CTNNA2: variants seen among roughly 807,000 people sequenced by gnomAD.
The protein encoded by CTNNA2 is catenin alpha-2.
CTNNA2 carries 42 observed loss-of-function variants against 101.0 expected under a neutral mutation model. That is an observed-to-expected ratio of 0.42 (90% CI 0.32 to 0.54). The LOEUF is 0.54. Ranked by LOEUF, CTNNA2 falls within the 20% of genes least tolerant of loss-of-function variation. The pLI is 0.14. For missense variants in CTNNA2, 871 were observed against 1,223.1 expected (o/e 0.71, Z 4.29); for synonymous variants, 450 against 456.4 (o/e 0.99, Z 0.18).
chr2:80,449,650 C>T (rs1401587488), intron 9 of CTNNA2, among the ~76,000 whole-genome samples: 1 of 152,166 alleles, frequency 6.6e-6, no homozygotes, highest in African/African-American at 2.4e-5. Context: ...CTTAGAACTC[C>T]ATACATTAGA....
chr2:79,265,476 C>A (rs533004838), intron 2 of CTNNA2, among the ~76,000 whole-genome samples: 1 of 152,182 alleles, frequency 6.6e-6, no homozygotes, highest in South Asian at 2.1e-4. Flanking sequence ...GACTCATCTT[C>A]AAAATGAGGA....
At chr2:80,098,986 C>G (rs147034009) in intron 7 of CTNNA2, among the ~76,000 whole-genome samples, 453 of 152,128 alleles carry the variant, frequency 3.0e-3, no homozygotes, top group Middle Eastern at 6.8e-3. Flanking sequence ...TGCTTCAGCT[C>G]ACGCACGGTG....
chr2:79,372,005 C>T (rs981721389), intron 3 of CTNNA2, among the ~76,000 whole-genome samples: 3 of 152,134 alleles, frequency 2.0e-5, no homozygotes, highest in Admixed American at 6.6e-5. Flanking sequence ...CTTCTGAAAA[C>T]TCTAAAACAG....
chr2:79,558,169 A>G (rs560813327), intron 1 of CTNNA2, among the ~76,000 whole-genome samples: 2 of 152,092 alleles, frequency 1.3e-5, no homozygotes, highest in African/African-American at 4.8e-5. Context: ...GGCTAATAAA[A>G]GCTTAGTTTA....
At chr2:79,613,907 G>C (rs942447192) in intron 1 of CTNNA2, among the ~76,000 whole-genome samples, 6 of 152,134 alleles carry the variant, frequency 3.9e-5, no homozygotes, top group African/African-American at 7.2e-5. Flanking sequence ...TTGTTTGACT[G>C]TTTTATAGTT....
rs183371902 is a variant in CTNNA2 at position 79,289,860 on chromosome 2, G to A, written c.-405-22849G>A. Among the ~76,000 whole-genome samples, 17 of 152,304 alleles carry A rather than the reference G, an allele frequency of 1.1e-4. 1 individual carries two copies. The highest frequency in any genetic ancestry group is 9.2e-4 in the Admixed American group (14 of 15,298). ...ATTACATCCAATATAATACTTAGGAGTGAGGGCTCTAGAGCTTAACTCCAT... is the reference window on the plus strand; with the variant it reads ...ATTACATCCAATATAATACTTAGGAATGAGGGCTCTAGAGCTTAACTCCAT... On this transcript the variant is annotated intron_variant, in intron 2 of 21. Transcript: ENST00000466387.
intron 7 of CTNNA2, chr2:80,163,212 A>T: frequency 9.5e-7 from 1 of 1,049,288 alleles, no homozygotes; most frequent in Middle Eastern, 2.5e-4. Context: ...CCCACAAAGA[A>T]CTAGCTTATT....
chr2:80,093,769 T>A (rs180802497), intron 7 of CTNNA2, among the ~76,000 whole-genome samples: 3,196 of 152,322 alleles, frequency 0.021, 110 homozygotes, highest in African/African-American at 0.072. Context: ...TGATGAGCAT[T>A]TTTTCATGTG....
chr2:80,019,414 T>C (rs1011610317), intron 7 of CTNNA2, among the ~76,000 whole-genome samples: 1 of 152,204 alleles, frequency 6.6e-6, no homozygotes. Context: ...AAGCAAACAA[T>C]GGGCCAAAAC....
chr2:80,478,679 C>A (rs1685911421), intron 9 of CTNNA2, among the ~76,000 whole-genome samples: 1 of 152,004 alleles, frequency 6.6e-6, no homozygotes, highest in African/African-American at 2.4e-5. Context: ...TAAGGATCAA[C>A]TGATTGTAGG....
intron 3 of CTNNA2, among the ~76,000 whole-genome samples, chr2:79,775,631 T>G (rs916215465): frequency 2.6e-5 from 4 of 152,054 alleles, no homozygotes; most frequent in African/African-American, 9.7e-5. Flanking sequence ...AAAACAAAAC[T>G]GAGGCCCAGT....
At chr2:79,933,704 C>T (rs1421431514) in intron 7 of CTNNA2, among the ~76,000 whole-genome samples, 2 of 152,180 alleles carry the variant, frequency 1.3e-5, no homozygotes, top group African/African-American at 4.8e-5. Flanking sequence ...ATCCACCTGC[C>T]TCGGCCTCCC....
intron 2 of CTNNA2, among the ~76,000 whole-genome samples, chr2:79,740,628 A>G (rs1671226308): frequency 6.6e-6 from 1 of 152,218 alleles, no homozygotes; most frequent in African/African-American, 2.4e-5. Flanking sequence ...GAATGAAAAG[A>G]CAACCAATAG....
chr2:80,626,169 T>G (rs1671663639), intron 18 of CTNNA2, among the ~76,000 whole-genome samples: 1 of 152,112 alleles, frequency 6.6e-6, no homozygotes, highest in African/African-American at 2.4e-5. Context: ...TATTAAAAAT[T>G]TGTATATAGT....
rs140506002 is a variant in CTNNA2, at chr2:80,373,829, G to A, written c.1057-19382G>A. 3.3e-5 allele frequency among the ~76,000 whole-genome samples: 5 copies of A among 152,154 alleles called. No individual in the cohort carries two copies. In the South Asian group the frequency reaches 6.2e-4, roughly 19 times the overall value. On this transcript the variant is annotated intron_variant, in intron 7 of 18. Transcript: ENST00000402739. ...TTGTTATTCAGACAAACTGATTGAC[G>A]TGAGTCTTGTGCTGTGAAATACTGA...
chr2:80,205,141 A>C (rs565269826), intron 7 of CTNNA2, among the ~76,000 whole-genome samples: 1 of 152,166 alleles, frequency 6.6e-6, no homozygotes, highest in Admixed American at 6.6e-5. Context: ...CATATCATAC[A>C]CTCAGTTCTG....
intron 7 of CTNNA2, among the ~76,000 whole-genome samples, chr2:80,064,845 C>G (rs1433291785): frequency 1.3e-5 from 2 of 152,130 alleles, no homozygotes; most frequent in African/African-American, 4.8e-5. Flanking sequence ...TGAACTGTAC[C>G]TCTTAATGGA....
intron 18 of CTNNA2, among the ~76,000 whole-genome samples, chr2:80,642,895 A>G (rs1673644953): frequency 6.6e-6 from 1 of 151,670 alleles, no homozygotes; most frequent in Admixed American, 6.6e-5. Flanking sequence ...CAAAATGAGG[A>G]GAGTATAGGG....
chr2:79,338,140 G>A (rs1210298563), intron 3 of CTNNA2, among the ~76,000 whole-genome samples: 1 of 151,442 alleles, frequency 6.6e-6, no homozygotes, highest in Non-Finnish European at 1.5e-5. Flanking sequence ...CCATTACTCG[G>A]GAGGCTGAGG....
Sources: allele counts gnomAD v4.1 joint callset (sites outside exome capture counted in the v4.1 genomes callset), GRCh38; gene constraint gnomAD v4.1.1; transcripts MANE v1.5; gene names NCBI Gene and HGNC (gene_info 2026-07-23, HGNC 2026-07-21).